Variants in TMEM178B observed in about 807,000 individuals in gnomAD.
The protein encoded by TMEM178B is transmembrane protein 178B.
Under a neutral mutation model 31.0 loss-of-function variants are expected in TMEM178B, and 5 were observed. That is an observed-to-expected ratio of 0.16 (90% CI 0.08 to 0.34). The LOEUF (loss-of-function observed/expected upper bound fraction) is 0.34, where lower values mean the gene tolerates loss of function less well. Among genes scored for constraint, TMEM178B ranks in the 10% least tolerant of loss-of-function variants. The pLI is 1.00. For missense variants in TMEM178B, 275 were observed against 400.3 expected, an observed-to-expected ratio of 0.69 and a Z score of 2.67; for synonymous variants, 164 against 164.0, an observed-to-expected ratio of 1.00 and a Z score of 0.00.
At chr7:141,271,951 T>C (rs1798192666) in intron 2 of TMEM178B, among the ~76,000 whole-genome samples, 1 of 152,220 alleles carries the variant, frequency 6.6e-6, no homozygotes, top group Non-Finnish European at 1.5e-5. Flanking sequence ...ATCTGCCCTA[T>C]TGTGCCTCAT....
intron 2 of TMEM178B, among the ~76,000 whole-genome samples, chr7:141,412,411 T>C (rs1801007590): frequency 6.6e-6 from 1 of 152,184 alleles, no homozygotes; most frequent in South Asian, 2.1e-4. Context: ...CTAAAGGTGA[T>C]CTGGGCTTTA....
intron 1 of TMEM178B, among the ~76,000 whole-genome samples, chr7:141,083,168 G>A (rs1473424474): frequency 2.6e-5 from 4 of 152,156 alleles, no homozygotes; most frequent in African/African-American, 9.7e-5. Flanking sequence ...ATGCAGATAT[G>A]TTTGTAACTT....
At chr7:141,447,557 C>A (rs915914432) in intron 3 of TMEM178B, among the ~76,000 whole-genome samples, 12 of 152,090 alleles carry the variant, frequency 7.9e-5, no homozygotes, top group African/African-American at 2.9e-4. Flanking sequence ...TCTGCTTGCT[C>A]TGCTCTCTAT....
At chr7:141,427,536 C>T (rs769888080) in intron 2 of TMEM178B, among the ~76,000 whole-genome samples, 34 of 152,172 alleles carry the variant, frequency 2.2e-4, no homozygotes, top group Non-Finnish European at 4.6e-4. Flanking sequence ...TTATCTCTCA[C>T]CGTATTCAAA....
chr7:141,370,864 C>G (rs1205648223), intron 2 of TMEM178B, among the ~76,000 whole-genome samples: 1 of 152,230 alleles, frequency 6.6e-6, no homozygotes, highest in African/African-American at 2.4e-5. Flanking sequence ...GATCAAGACT[C>G]TCAGTCATGC....
At chr7:141,233,417 C>G (rs1048009896) in intron 2 of TMEM178B, among the ~76,000 whole-genome samples, 3 of 152,232 alleles carry the variant, frequency 2.0e-5, no homozygotes, top group Admixed American at 2.0e-4. Flanking sequence ...GAGCACTGTT[C>G]TGAGAATAAA....
In TMEM178B at chr7:141,115,586, T is replaced by C. The variant is rs180985247; in HGVS notation, c.382+40894T>C. 2.4e-3 allele frequency among the ~76,000 whole-genome samples: 366 copies of C among 152,196 alleles called. 3 individuals are homozygous for C. The highest frequency in any genetic ancestry group is 8.3e-3 in the African/African-American group (343 of 41,526). On this transcript the variant is annotated intron_variant, in intron 1 of 3. Coordinates refer to ENST00000565468, the MANE Select transcript of TMEM178B (RefSeq NM_001195278.2). ...ATTTTAAAACTTAGAGGCTATTGGA[T>C]GGAGAAGGGAGAGAAAGGGCTAAGA...
intron 1 of TMEM178B, among the ~76,000 whole-genome samples, chr7:141,195,484 C>G (rs1373728728): frequency 6.6e-6 from 1 of 152,216 alleles, no homozygotes; most frequent in Non-Finnish European, 1.5e-5. Flanking sequence ...TTCCTTATCT[C>G]CATCTGAGAC....
At chr7:141,386,585 C>T (rs1275501967) in intron 2 of TMEM178B, among the ~76,000 whole-genome samples, 1 of 152,124 alleles carries the variant, frequency 6.6e-6, no homozygotes, top group African/African-American at 2.4e-5. Context: ...GTATCCATTA[C>T]CTCAGGCATT....
chr7:141,389,542 G>A (rs538487845), intron 2 of TMEM178B, among the ~76,000 whole-genome samples: 5 of 152,340 alleles, frequency 3.3e-5, no homozygotes, highest in Admixed American at 2.0e-4. Flanking sequence ...ATTGATGGGT[G>A]TGGGAGGCCC....
At position 141,476,293 on chromosome 7, in the gene TMEM178B, T is replaced by G. The variant is rs1250821820; in HGVS notation, c.*5507T>G. The G allele has an allele frequency of 6.6e-6, 1 of 152,222 alleles. No homozygotes were observed. Among genetic ancestry groups the G allele is most frequent in the Non-Finnish European group, 1.5e-5 (1 of 68,038 alleles). The allele number at this position is 152,222 out of a possible 1,614,324, so 9.4% of individuals were successfully genotyped here. ...TTTCTTTACCTATTCCTAGACTTCC[T>G]TTTGTCTAGAGCCAGTTTTGCAAAG... On this transcript the variant is annotated 3_prime_UTR_variant, in exon 4 of 4. Coordinates refer to ENST00000565468, the MANE Select transcript of TMEM178B (RefSeq NM_001195278.2).
chr7:141,093,341 G>A (rs1794909093), intron 1 of TMEM178B, among the ~76,000 whole-genome samples: 1 of 152,216 alleles, frequency 6.6e-6, no homozygotes, highest in Non-Finnish European at 1.5e-5. Context: ...ATTTCAACAG[G>A]AGCTGGCAGA....
chr7:141,091,552 C>A (rs1215239069), intron 1 of TMEM178B, among the ~76,000 whole-genome samples: 3 of 152,098 alleles, frequency 2.0e-5, no homozygotes, highest in Non-Finnish European at 4.4e-5. Flanking sequence ...GCTTGTAGAT[C>A]AATAAGCTGC....
In TMEM178B at chr7:141,126,019, C is replaced by T. The variant is rs111775749; in HGVS notation, c.382+51327C>T. ...GCCTTTAATGCTGAGAGCTCCCTTC[C>T]CTAACAGGCTTTGTGCTAGTTAGCA... On this transcript the variant is annotated intron_variant, in intron 1 of 3. Transcript: ENST00000565468. Among the ~76,000 whole-genome samples, 510 of 152,296 alleles carry T rather than the reference C, an allele frequency of 3.3e-3. 8 individuals carry two copies. Among genetic ancestry groups the T allele is most frequent in the African/African-American group, 0.012 (486 of 41,558 alleles).
intron 2 of TMEM178B, among the ~76,000 whole-genome samples, chr7:141,396,350 G>T (rs980887402): frequency 6.6e-6 from 1 of 152,124 alleles, no homozygotes; most frequent in African/African-American, 2.4e-5. Flanking sequence ...CTTTCCCATC[G>T]CCCATGCCTA....
intron 2 of TMEM178B, among the ~76,000 whole-genome samples, chr7:141,322,460 G>A (rs1209352015): frequency 3.9e-5 from 6 of 152,178 alleles, no homozygotes; most frequent in East Asian, 1.9e-4. Context: ...CCTTGATCCC[G>A]GGAGGTGGAG....
At chr7:141,445,836 C>A (rs1048321093) in intron 3 of TMEM178B, among the ~76,000 whole-genome samples, 2 of 152,174 alleles carry the variant, frequency 1.3e-5, no homozygotes, top group African/African-American at 4.8e-5. Flanking sequence ...CCCTGCCAAT[C>A]TGCTTTTATA....
intron 2 of TMEM178B, among the ~76,000 whole-genome samples, chr7:141,229,327 G>A (rs1452203907): frequency 6.6e-6 from 1 of 151,914 alleles, no homozygotes; most frequent in Admixed American, 6.6e-5. Flanking sequence ...TTTGGGTCAG[G>A]CATTGTCACC....
At chr7:141,290,308 C>T (rs1306683605) in intron 2 of TMEM178B, among the ~76,000 whole-genome samples, 3 of 152,212 alleles carry the variant, frequency 2.0e-5, no homozygotes, top group South Asian at 2.1e-4. Flanking sequence ...TCACTTAGAA[C>T]AAATATGGTT....
Sources: allele counts gnomAD v4.1 joint callset (sites outside exome capture counted in the v4.1 genomes callset), GRCh38; gene constraint gnomAD v4.1.1; transcripts MANE v1.5; gene names NCBI Gene and HGNC (gene_info 2026-07-23, HGNC 2026-07-21).